The following LRP1B variants were observed in gnomAD, a reference collection of about 807,000 sequenced individuals.
The protein encoded by LRP1B is low-density lipoprotein receptor-related protein 1B.
LRP1B carries 217 observed loss-of-function variants against 556.6 expected under a neutral mutation model. The observed-to-expected ratio is 0.39, with a 90% CI of 0.35 to 0.44. The LOEUF (loss-of-function observed/expected upper bound fraction) is 0.44. Ranked by LOEUF, LRP1B falls within the 20% of genes least tolerant of loss-of-function variation. LRP1B has a pLI of 1.00. For synonymous variants in LRP1B, 2,047 were observed against 1,865.8 expected, an observed-to-expected ratio of 1.10 and a Z score of -2.50; for missense variants, 5,053 against 5,620.8, an observed-to-expected ratio of 0.90 and a Z score of 3.23.
At chr2:141,677,098 C>T (rs570001911) in intron 2 of LRP1B, among the ~76,000 whole-genome samples, 23 of 152,084 alleles carry the variant, frequency 1.5e-4, no homozygotes, top group East Asian at 3.9e-4. Flanking sequence ...TATTTAGTCC[C>T]GGCTGGAAGA....
intron 41 of LRP1B, among the ~76,000 whole-genome samples, chr2:140,610,117 C>T (rs910537033): frequency 1.3e-5 from 2 of 151,956 alleles, no homozygotes; most frequent in South Asian, 4.2e-4. Context: ...TTCCTTTGTC[C>T]ATCCTCTTCA....
intron 11 of LRP1B, among the ~76,000 whole-genome samples, chr2:141,048,697 C>T (rs566953229): frequency 1.3e-5 from 2 of 152,162 alleles, no homozygotes; most frequent in South Asian, 2.1e-4. Flanking sequence ...GTAAACATAT[C>T]AGTATAAATT....
intron 27 of LRP1B, among the ~76,000 whole-genome samples, chr2:140,864,230 C>T (rs141488298): frequency 1.2e-3 from 177 of 151,892 alleles, no homozygotes; most frequent in Non-Finnish European, 2.3e-3. Context: ...CTATAGTTGA[C>T]ACAAAGAAAT....
intron 3 of LRP1B, among the ~76,000 whole-genome samples, chr2:141,309,759 G>T (rs1014486659): frequency 2.6e-5 from 4 of 151,986 alleles, no homozygotes; most frequent in Admixed American, 2.0e-4. Flanking sequence ...GGGTCAATAG[G>T]TGCGGCAAAC....
At chr2:142,007,802 G>C (rs1702844547) in intron 1 of LRP1B, among the ~76,000 whole-genome samples, 1 of 152,114 alleles carries the variant, frequency 6.6e-6, no homozygotes, top group South Asian at 2.1e-4. Flanking sequence ...ACAGACAAGG[G>C]TATATTCCCC....
At chr2:140,305,520 T>G (rs1203961523) in intron 83 of LRP1B, among the ~76,000 whole-genome samples, 3 of 152,232 alleles carry the variant, frequency 2.0e-5, no homozygotes, top group Admixed American at 6.5e-5. Context: ...GAGACTTTGC[T>G]GAAGTTGCTT....
intron 2 of LRP1B, among the ~76,000 whole-genome samples, chr2:141,727,384 A>G (rs1430359276): frequency 6.6e-6 from 1 of 152,136 alleles, no homozygotes; most frequent in Non-Finnish European, 1.5e-5. Context: ...CTTACATCAG[A>G]TTTCTATAAC....
intron 86 of LRP1B, among the ~76,000 whole-genome samples, chr2:140,254,974 A>G (rs1340433090): frequency 1.3e-5 from 2 of 152,292 alleles, no homozygotes; most frequent in East Asian, 3.9e-4. Context: ...TTTCTTCAAA[A>G]TCTAGAAACT....
chr2:141,138,727 T>C (rs80236095), intron 7 of LRP1B, among the ~76,000 whole-genome samples: 5,674 of 151,910 alleles, frequency 0.037, 154 homozygotes, highest in East Asian at 0.16. Context: ...TGACAGACAT[T>C]AAATAATGAA....
chr2:141,386,814 T>C (rs1689849334), intron 3 of LRP1B, among the ~76,000 whole-genome samples: 1 of 152,000 alleles, frequency 6.6e-6, no homozygotes, highest in South Asian at 2.1e-4. Context: ...TTAGTACATC[T>C]AACAGGAGAT....
chr2:140,794,518 C>T (rs960309446), intron 32 of LRP1B, among the ~76,000 whole-genome samples: 1 of 140,158 alleles, frequency 7.1e-6, no homozygotes, highest in African/African-American at 2.6e-5. Flanking sequence ...CACACACACA[C>T]ATATTTCAAG....
At chr2:140,308,735 C>T (rs913413066) in intron 83 of LRP1B, among the ~76,000 whole-genome samples, 5 of 151,770 alleles carry the variant, frequency 3.3e-5, no homozygotes, top group African/African-American at 1.2e-4. Context: ...TAAGGAATAG[C>T]AGTATTTAAG....
chr2:140,710,773 G>A (rs1687003214), intron 37 of LRP1B, among the ~76,000 whole-genome samples: 1 of 151,908 alleles, frequency 6.6e-6, no homozygotes, highest in Admixed American at 6.6e-5. Context: ...TATAAAACCT[G>A]CAAAAATAAT....
At chr2:141,403,039 T>C (rs1229655345) in intron 3 of LRP1B, among the ~76,000 whole-genome samples, 1 of 152,092 alleles carries the variant, frequency 6.6e-6, no homozygotes, top group East Asian at 1.9e-4. Flanking sequence ...GCAGGTGTCT[T>C]TATTTCCTGA....
At chr2:141,293,886 G>A (rs539262480) in intron 3 of LRP1B, among the ~76,000 whole-genome samples, 11 of 151,880 alleles carry the variant, frequency 7.2e-5, no homozygotes, top group Admixed American at 5.9e-4. Context: ...AAGTATTAAC[G>A]TTCAAAAATA....
chr2:141,447,477 T>G (rs555393193), intron 3 of LRP1B, among the ~76,000 whole-genome samples: 1 of 152,166 alleles, frequency 6.6e-6, no homozygotes, highest in Admixed American at 6.5e-5. Flanking sequence ...TTGTGATCCT[T>G]TGGAGAAGAG....
chr2:141,591,502 G>A (rs1325866710), intron 2 of LRP1B, among the ~76,000 whole-genome samples: 2 of 151,490 alleles, frequency 1.3e-5, no homozygotes, highest in Non-Finnish European at 2.9e-5. Flanking sequence ...GCTTATAGCA[G>A]AGGTCAATTA....
rs1037103048 is a variant in LRP1B, at chr2:141,299,878, G to A, written c.344-45237C>T. Among the ~76,000 whole-genome samples, 19 of 152,156 alleles carry A rather than the reference G, an allele frequency of 1.2e-4. 1 individual carries two copies. Among genetic ancestry groups the A allele is most frequent in the African/African-American group, 2.4e-5 (1 of 41,452 alleles). ...AGCTCACAGGTAATCTTAGTGTGTA[G>A]CATTGTTGTTATGGATGGAATGTTT... On this transcript the variant is annotated intron_variant, in intron 3 of 90. Coordinates refer to ENST00000389484, the MANE Select transcript of LRP1B (RefSeq NM_018557.3).
At chr2:141,464,601 TATA>T (rs1559084773) in intron 3 of LRP1B, among the ~76,000 whole-genome samples, 4 of 102,072 alleles carry the variant, frequency 3.9e-5, no homozygotes, top group South Asian at 3.1e-4. Context: ...TATATATATA[TATA>T]TATTTTTTTA....
Sources: gnomAD v4.1 joint callset for allele counts (sites outside exome capture counted in the v4.1 genomes callset) on GRCh38, gnomAD v4.1.1 for gene constraint, MANE v1.5 for transcripts, NCBI Gene and HGNC (gene_info 2026-07-23, HGNC 2026-07-21) for gene names.